OR5AS1: variants seen among roughly 807,000 people sequenced by gnomAD.
OR5AS1 encodes the protein olfactory receptor family 5 subfamily AS member 1, also known as olfactory receptor 5AS1.
For synonymous variants in OR5AS1, 196 were observed against 141.7 expected, an observed-to-expected ratio of 1.38 and a Z score of -2.72; for missense variants, 492 against 378.2, an observed-to-expected ratio of 1.30 and a Z score of -2.50.
chr11:56,030,125 A>G (rs1425429214), intron 1 of OR5AS1, among the ~76,000 whole-genome samples: 2 of 152,100 alleles, frequency 1.3e-5, no homozygotes, highest in Non-Finnish European at 2.9e-5. Context: ...GCTTGTAAAA[A>G]CTATTATCAT....
chr11:56,036,063 A>G lies in OR5AS1; in HGVS notation c.*4670A>G, dbSNP rs903061166. On this transcript the variant is annotated 3_prime_UTR_variant, in exon 2 of 2. Coordinates refer to ENST00000641320, the MANE Select transcript of OR5AS1 (RefSeq NM_001001921.2). ...TAAATAATGAAAATAAAGCAGAAAT[A>G]AATAAGTTATTTGAAACCAATGAGA... 2.6e-5 allele frequency: 4 copies of G among 152,132 alleles called. No individual in the cohort carries two copies. Among genetic ancestry groups the G allele is most frequent in the Admixed American group, 1.3e-4 (2 of 15,272 alleles). 9.4% of individuals were successfully genotyped at this position (152,132 alleles called of 1,614,324 possible).
rs1327434419 is a variant in OR5AS1, at chr11:56,037,584, C to T, written c.*6191C>T. On this transcript the variant is annotated 3_prime_UTR_variant, in exon 2 of 2. Transcript: ENST00000641320. ...TGAATGACCTCTTCAAGGAGAACTACAAATTAGTGCTCAAGGAAATAAGAG... is the reference window on the plus strand; with the variant it reads ...TGAATGACCTCTTCAAGGAGAACTATAAATTAGTGCTCAAGGAAATAAGAG... 6.6e-6 allele frequency: 1 copy of T among 151,922 alleles called. No individual in the cohort carries two copies. Among genetic ancestry groups the T allele is most frequent in the Non-Finnish European group, 1.5e-5 (1 of 67,988 alleles). The allele number at this position is 151,922 out of a possible 1,614,324, so 9.4% of individuals were successfully genotyped here. A position where few individuals can be genotyped will look rare whatever the true frequency, so the allele number is the denominator to read the frequency against.
rs1853403465 is a variant in OR5AS1 at position 56,036,262 on chromosome 11, G to A, written c.*4869G>A. The stretch of plus-strand genomic sequence containing the variant: ...ACAAACAAATTCAAAAGCCTCAGAA[G>A]ACAAGAAATAACTAAGATCAGAGCA... On this transcript the variant is annotated 3_prime_UTR_variant, in exon 2 of 2. Transcript: ENST00000641320. 1 of 151,912 alleles carries A rather than the reference G, an allele frequency of 6.6e-6. No homozygotes were observed. Among genetic ancestry groups the A allele is most frequent in the Admixed American group, 6.6e-5 (1 of 15,230 alleles). The allele number at this position is 151,912 out of a possible 1,614,324, so 9.4% of individuals were successfully genotyped here.
At chr11:56,028,154 T>C (rs907738868) in intron 1 of OR5AS1, among the ~76,000 whole-genome samples, 3 of 152,010 alleles carry the variant, frequency 2.0e-5, no homozygotes, top group African/African-American at 7.3e-5. Context: ...AAGTCAGATA[T>C]TGAATTGTTA....
At position 56,030,773 on chromosome 11, in the gene OR5AS1, G is replaced by A; in HGVS notation, c.355G>A (p.Ala119Thr). The A allele has an allele frequency of 6.2e-7, 1 of 1,613,908 alleles. No homozygotes were observed. The highest frequency in any genetic ancestry group is 8.5e-7 in the Non-Finnish European group (1 of 1,179,916). The stretch of plus-strand genomic sequence containing the variant: ...TGAGTGCCTTATCCTGGCAGCAATG[G>A]CTTATGACCGCTATGCAGCCATCTG... ...DAECLILAAM[A>T]YDRYAAICNP... Residue 119 changes from alanine to threonine, a missense_variant, in exon 2 of 2, where the codon GCT becomes ACT. Transcript: ENST00000641320.
rs1825160 is a variant in OR5AS1 at position 56,034,303 on chromosome 11, T to A, written c.*2910T>A. 151,909 of 152,174 alleles carry A rather than the reference T, an allele frequency of 1. 75,827 individuals are homozygous for A. Among genetic ancestry groups the A allele is most frequent in the Middle Eastern group, 1 (294 of 294 alleles). The allele number at this position is 152,174 out of a possible 1,614,324, so 9.4% of individuals were successfully genotyped here. The stretch of plus-strand genomic sequence containing the variant: ...TAACAAATAGAAGAATTGGGTAATA[T>A]CAAACTCCTCTGAGCTAAAGGAGCA... On this transcript the variant is annotated 3_prime_UTR_variant, in exon 2 of 2. Coordinates refer to ENST00000641320, the MANE Select transcript of OR5AS1 (RefSeq NM_001001921.2).
rs1853349871 is a variant in OR5AS1 at position 56,031,357 on chromosome 11, A to G, written c.939A>G (p.Glu313=). ...KLLERIGYSN[E]WYLNRLRIVN... is the part of the protein sequence containing the mutation. Reference sequence around the variant, plus strand: ...TAGAAAGAATTGGATATTCAAATGAATGGTATTTAAATCGTTTAAGAATAG... The same window carrying G: ...TAGAAAGAATTGGATATTCAAATGAGTGGTATTTAAATCGTTTAAGAATAG... The change falls in exon 2 of 2, where the codon GAA becomes GAG. Residue 313 remains glutamate, a synonymous_variant. Transcript: ENST00000641320. The G allele has an allele frequency of 5.8e-6, 9 of 1,559,168 alleles. No individual in the cohort carries two copies. Among genetic ancestry groups the G allele is most frequent in the Non-Finnish European group, 7.8e-6 (9 of 1,151,932 alleles).
rs1017363829 is a variant in OR5AS1, at chr11:56,036,105, T to C, written c.*4712T>C. 2.6e-5 allele frequency: 4 copies of C among 151,872 alleles called. No individual in the cohort carries two copies. Among genetic ancestry groups the C allele is most frequent in the Admixed American group, 2.6e-4 (4 of 15,212 alleles). The allele number at this position is 151,872 out of a possible 1,614,324, so 9.4% of individuals were successfully genotyped here. On this transcript the variant is annotated 3_prime_UTR_variant, in exon 2 of 2. Coordinates refer to ENST00000641320, the MANE Select transcript of OR5AS1 (RefSeq NM_001001921.2). Reference sequence around the variant, plus strand: ...CCAATGAGAACAAAGACACAAGGTATCAGAATCTCTGGGACATAGCTAAAG... The same window carrying C: ...CCAATGAGAACAAAGACACAAGGTACCAGAATCTCTGGGACATAGCTAAAG...
At chr11:56,030,046 C>T (rs1853331247) in intron 1 of OR5AS1, among the ~76,000 whole-genome samples, 1 of 152,050 alleles carries the variant, frequency 6.6e-6, no homozygotes. Context: ...AGAGCTTTGC[C>T]TCTAAAGATT....
rs181945715 is a variant in OR5AS1, at chr11:56,034,914, C to T, written c.*3521C>T. On this transcript the variant is annotated 3_prime_UTR_variant, in exon 2 of 2. Transcript: ENST00000641320. ...AAAGGGAAGCCCATCAGACTAACAG[C>T]GGCTGTCTCAGCAGAAACCCTATAA... is the stretch of plus-strand genomic sequence containing the variant. 6.6e-5 allele frequency: 10 copies of T among 152,252 alleles called. No homozygotes were observed. The highest frequency in any genetic ancestry group is 3.3e-4 in the Admixed American group (5 of 15,292). The allele number at this position is 152,252 out of a possible 1,614,324, so 9.4% of individuals were successfully genotyped here. A position where few individuals can be genotyped will look rare whatever the true frequency, so the allele number is the denominator to read the frequency against.
rs369187261 is a variant in OR5AS1, at chr11:56,037,719, G to A, written c.*6326G>A. On this transcript the variant is annotated 3_prime_UTR_variant, in exon 2 of 2. Transcript: ENST00000641320. ...AATTTTTAGATTCAATACTATCCCC[G>A]TCAAGCTATCATTGAATTTCTTCAC... is the stretch of plus-strand genomic sequence containing the variant. The A allele has an allele frequency of 4.0e-4, 60 of 150,066 alleles. No individual in the cohort carries two copies. The highest frequency in any genetic ancestry group is 1.4e-3 in the African/African-American group (57 of 40,594). 9.3% of individuals were successfully genotyped at this position (150,066 alleles called of 1,614,324 possible). A position where few individuals can be genotyped will look rare whatever the true frequency, so the allele number is the denominator to read the frequency against.
intron 1 of OR5AS1, among the ~76,000 whole-genome samples, chr11:56,028,137 C>T (rs573262749): frequency 3.0e-4 from 46 of 152,056 alleles, no homozygotes; most frequent in Non-Finnish European, 5.6e-4. Context: ...GAGAATTTGT[C>T]ATTTCAAAGT....
At position 56,037,103 on chromosome 11, in the gene OR5AS1, C is replaced by T. The variant is rs1039734083; in HGVS notation, c.*5710C>T. The T allele has an allele frequency of 6.6e-6, 1 of 151,680 alleles. No individual in the cohort carries two copies. Among genetic ancestry groups the T allele is most frequent in the Non-Finnish European group, 1.5e-5 (1 of 67,842 alleles). The allele number at this position is 151,680 out of a possible 1,614,324, so 9.4% of individuals were successfully genotyped here. On this transcript the variant is annotated 3_prime_UTR_variant, in exon 2 of 2. Transcript: ENST00000641320. ...AAACTCTCAATAAACTAGGTATTGA[C>T]AAACATATCTCCAAATAATAAGAGC...
rs1472838212 is a variant in OR5AS1, at chr11:56,036,207, A to G, written c.*4814A>G. On this transcript the variant is annotated 3_prime_UTR_variant, in exon 2 of 2. Transcript: ENST00000641320. The stretch of plus-strand genomic sequence containing the variant: ...AAAGATCTAAAATCAACACCCTAAC[A>G]TCACAATTAAAAGAACTAGATAAAC... 2.0e-5 allele frequency: 3 copies of G among 152,118 alleles called. No individual in the cohort carries two copies. The highest frequency in any genetic ancestry group is 4.4e-5 in the Non-Finnish European group (3 of 68,028). 9.4% of individuals were successfully genotyped at this position (152,118 alleles called of 1,614,324 possible). A position where few individuals can be genotyped will look rare whatever the true frequency, so the allele number is the denominator to read the frequency against.
chr11:56,030,303 C>G lies in OR5AS1; in HGVS notation c.-28-88C>G, dbSNP rs978949771. The G allele has an allele frequency of 5.7e-6, 3 of 527,498 alleles. No individual in the cohort carries two copies. In the African/African-American group the frequency reaches 5.9e-5, roughly 10 times the overall value. The allele number at this position is 527,498 out of a possible 1,614,324, so 32.7% of individuals were successfully genotyped here. On this transcript the variant is annotated intron_variant, in intron 1 of 1. Coordinates refer to ENST00000641320, the MANE Select transcript of OR5AS1 (RefSeq NM_001001921.2). ...ATGACATCTCTGTGATTTTACTGACCTTCTATTTGATTCCTTAGAAGAGAG... is the reference window on the plus strand; with the variant it reads ...ATGACATCTCTGTGATTTTACTGACGTTCTATTTGATTCCTTAGAAGAGAG...
rs1853388349 is a variant in OR5AS1 at position 56,034,842 on chromosome 11, A to G, written c.*3449A>G. ...CACCAAGGTGGAAATGAAGGAAAAA[A>G]TGTTAAGGTGTTAAGGACAGCCAGA... is the stretch of plus-strand genomic sequence containing the variant. On this transcript the variant is annotated 3_prime_UTR_variant, in exon 2 of 2. Transcript: ENST00000641320. 1 of 152,086 alleles carries G rather than the reference A, an allele frequency of 6.6e-6. No homozygotes were observed. Among genetic ancestry groups the G allele is most frequent in the African/African-American group, 2.4e-5 (1 of 41,348 alleles). The allele number at this position is 152,086 out of a possible 1,614,324, so 9.4% of individuals were successfully genotyped here.
rs889910956 is a variant in OR5AS1, at chr11:56,032,215, C to T, written c.*822C>T. On this transcript the variant is annotated 3_prime_UTR_variant, in exon 2 of 2. Coordinates refer to ENST00000641320, the MANE Select transcript of OR5AS1 (RefSeq NM_001001921.2). Reference sequence around the variant, plus strand: ...ATTCAGAGTGGGTAATTGTGAAAAACAAGTTTGTGAATACTATCAAGATTA... The same window carrying T: ...ATTCAGAGTGGGTAATTGTGAAAAATAAGTTTGTGAATACTATCAAGATTA... The T allele has an allele frequency of 7.2e-5, 11 of 152,010 alleles. No homozygotes were observed. Among genetic ancestry groups the T allele is most frequent in the African/African-American group, 2.7e-4 (11 of 41,358 alleles). 9.4% of individuals were successfully genotyped at this position (152,010 alleles called of 1,614,324 possible). A position where few individuals can be genotyped will look rare whatever the true frequency, so the allele number is the denominator to read the frequency against.
rs923205332 is a variant in OR5AS1 at position 56,036,840 on chromosome 11, T to A, written c.*5447T>A. 2 of 152,016 alleles carry A rather than the reference T, an allele frequency of 1.3e-5. No individual in the cohort carries two copies. Among genetic ancestry groups the A allele is most frequent in the Non-Finnish European group, 2.9e-5 (2 of 68,000 alleles). The allele number at this position is 152,016 out of a possible 1,614,324, so 9.4% of individuals were successfully genotyped here. Reference sequence around the variant, plus strand: ...AAAAAAAGAACATGCCAGGCCAATATCCCTGATGAACATGATGCAAAAATC... The same window carrying A: ...AAAAAAAGAACATGCCAGGCCAATAACCCTGATGAACATGATGCAAAAATC... On this transcript the variant is annotated 3_prime_UTR_variant, in exon 2 of 2. Coordinates refer to ENST00000641320, the MANE Select transcript of OR5AS1 (RefSeq NM_001001921.2).
chr11:56,031,002 A>G lies in OR5AS1; in HGVS notation c.584A>G (p.Asn195Ser). ...TTATCATGTACAGACACTCAGATCA[A>G]CCAGCTTCTGCTCTTTGCTTTGTGC... The part of the protein sequence containing the change: ...LALSCTDTQI[N>S]QLLLFALCSF... Residue 195 changes from asparagine to serine, a missense_variant, in exon 2 of 2, where the codon AAC becomes AGC. Physicochemically the swap from Asn to Ser is conservative, Grantham distance 46. Coordinates refer to ENST00000641320, the MANE Select transcript of OR5AS1 (RefSeq NM_001001921.2). The G allele has an allele frequency of 1.2e-6, 2 of 1,614,176 alleles. No homozygotes were observed. The highest frequency in any genetic ancestry group is 2.2e-5 in the South Asian group (2 of 91,090).
Sources: gnomAD v4.1 joint callset for allele counts (sites outside exome capture counted in the v4.1 genomes callset) on GRCh38, gnomAD v4.1.1 for gene constraint, MANE v1.5 for transcripts, NCBI Gene and HGNC (gene_info 2026-07-23, HGNC 2026-07-21) for gene names.